The following DACH1 variants were observed in gnomAD, a reference collection of about 807,000 sequenced individuals.
DACH1 encodes the protein dachshund family transcription factor 1.
Under a neutral mutation model 54.2 loss-of-function variants are expected in DACH1, and 12 were observed. The observed-to-expected ratio is 0.22, with a 90% CI of 0.14 to 0.36. The LOEUF is 0.36. DACH1 is among the 10% of genes least tolerant of loss of function. The probability of loss-of-function intolerance (pLI) is 1.00; values close to 1 mark genes in which losing one functional copy is unlikely to be tolerated. For missense variants in DACH1, 805 were observed against 929.8 expected, an observed-to-expected ratio of 0.87 and a Z score of 1.75; for synonymous variants, 386 against 366.2, an observed-to-expected ratio of 1.05 and a Z score of -0.62.
At position 71,754,833 on chromosome 13, in the gene DACH1, T is replaced by TA. The variant is rs1225895765; in HGVS notation, c.849-72924dup. On this transcript the variant is annotated intron_variant, in intron 1 of 10. Coordinates refer to ENST00000613252, the MANE Select transcript of DACH1 (RefSeq NM_080759.6). ...TTCACTGCATTGCAGGAGAGTCTAA[T>TA]AAAAAACAAAGAGGTAGAATAATAA... is the stretch of plus-strand genomic sequence containing the variant. Among the ~76,000 whole-genome samples, 143 of 151,650 alleles carry TA rather than the reference T, an allele frequency of 9.4e-4. 1 individual carries two copies. Among genetic ancestry groups the TA allele is most frequent in the African/African-American group, 3.3e-3 (138 of 41,246 alleles).
rs140149847 is a variant in DACH1 at position 71,736,480 on chromosome 13, A to G, written c.849-54570T>C. On this transcript the variant is annotated intron_variant, in intron 1 of 10. Transcript: ENST00000613252. ...GTAAATATCTTAAAAAGGAATACAG[A>G]TTTTAAAATATATATATAAATATAA... 5.9e-5 allele frequency among the ~76,000 whole-genome samples: 9 copies of G among 152,228 alleles called. No individual in the cohort carries two copies. The East Asian group carries it at 1.7e-3, about 29-fold the overall frequency.
rs556624465 is a variant in DACH1 at position 71,608,661 on chromosome 13, A to C, written c.1126+21895T>G. Reference sequence around the variant, plus strand: ...TGGAATATGGTATATCTGTTCACTTATAATTAATCCTAAAACTAAATTATT... The same window carrying C: ...TGGAATATGGTATATCTGTTCACTTCTAATTAATCCTAAAACTAAATTATT... On this transcript the variant is annotated intron_variant, in intron 3 of 10. Coordinates refer to ENST00000613252, the MANE Select transcript of DACH1 (RefSeq NM_080759.6). 4.2e-3 allele frequency among the ~76,000 whole-genome samples: 637 copies of C among 152,266 alleles called. 4 individuals are homozygous for C. Among genetic ancestry groups the C allele is most frequent in the Non-Finnish European group, 7.1e-3 (485 of 67,974 alleles).
At chr13:71,863,000 C>T (rs1329810588) in intron 1 of DACH1, among the ~76,000 whole-genome samples, 2 of 151,990 alleles carry the variant, frequency 1.3e-5, no homozygotes, top group African/African-American at 2.4e-5. Flanking sequence ...ATAAATTACT[C>T]CCTTAGCCTG....
At chr13:71,544,272 A>G (rs1883324639) in intron 6 of DACH1, among the ~76,000 whole-genome samples, 1 of 152,046 alleles carries the variant, frequency 6.6e-6, no homozygotes, top group African/African-American at 2.4e-5. Flanking sequence ...AAGCCATGAG[A>G]CACATGACTA....
intron 1 of DACH1, among the ~76,000 whole-genome samples, chr13:71,748,886 C>CTTTCT (rs1256452235): frequency 1.5e-4 from 4 of 27,314 alleles, no homozygotes; most frequent in South Asian, 8.4e-4. Context: ...TTCTTTCTTT[C>CTTTCT]TTTCTTTCTT....
intron 3 of DACH1, among the ~76,000 whole-genome samples, chr13:71,584,261 G>A (rs977908885): frequency 6.6e-6 from 1 of 152,172 alleles, no homozygotes; most frequent in East Asian, 1.9e-4. Context: ...AAATACCTAA[G>A]GACTTCCTTT....
chr13:71,629,429 C>T (rs899561428), intron 3 of DACH1, among the ~76,000 whole-genome samples: 1 of 152,110 alleles, frequency 6.6e-6, no homozygotes, highest in Non-Finnish European at 1.5e-5. Flanking sequence ...TGCATTTTTC[C>T]CCTTTTTACA....
At chr13:71,593,380 G>A (rs969555446) in intron 3 of DACH1, among the ~76,000 whole-genome samples, 1 of 151,978 alleles carries the variant, frequency 6.6e-6, no homozygotes, top group Non-Finnish European at 1.5e-5. Context: ...ACAGACAATG[G>A]ATCTAAATTA....
intron 1 of DACH1, among the ~76,000 whole-genome samples, chr13:71,682,362 T>C (rs1468061342): frequency 1.3e-5 from 2 of 152,176 alleles, no homozygotes; most frequent in Non-Finnish European, 2.9e-5. Flanking sequence ...AATGGCTGCC[T>C]AAGGAAATGT....
rs1883949803 is a variant in DACH1 at position 71,552,836 on chromosome 13, TATATATA to T, written c.1570+4181_1570+4187del. Among the ~76,000 whole-genome samples the T allele has an allele frequency of 7.4e-5, 2 of 27,180 alleles. 1 individual carries two copies. 17.8% of individuals were successfully genotyped at this position (27,180 alleles called of 152,430 possible). A position where few individuals can be genotyped will look rare whatever the true frequency, so the allele number is the denominator to read the frequency against. ...ATATATATATATATATATATATATA[TATATATA>T]GAGAGAGAGAGAGAGAGAGAGAGAG... On this transcript the variant is annotated intron_variant, in intron 6 of 10. Transcript: ENST00000613252.
intron 2 of DACH1, among the ~76,000 whole-genome samples, chr13:71,654,456 A>AAAT (rs1466626705): frequency 8.3e-6 from 1 of 120,724 alleles, no homozygotes; most frequent in South Asian, 2.5e-4. Flanking sequence ...AAATAAAATA[A>AAAT]AGTAAAATAA....
chr13:71,813,648 G>A (rs1033672797), intron 1 of DACH1, among the ~76,000 whole-genome samples: 1 of 152,096 alleles, frequency 6.6e-6, no homozygotes, highest in Non-Finnish European at 1.5e-5. Flanking sequence ...CATTTGACTA[G>A]TTCTCATGCA....
At chr13:71,678,562 T>C (rs573758520) in intron 2 of DACH1, among the ~76,000 whole-genome samples, 1 of 152,248 alleles carries the variant, frequency 6.6e-6, no homozygotes, top group South Asian at 2.1e-4. Context: ...TTTGCTGAGG[T>C]CTACAGGGCA....
At chr13:71,598,115 A>T (rs1488026537) in intron 3 of DACH1, among the ~76,000 whole-genome samples, 3 of 152,130 alleles carry the variant, frequency 2.0e-5, no homozygotes, top group Non-Finnish European at 2.9e-5. Context: ...GATAGGAAAA[A>T]AAGAGAAATA....
intron 3 of DACH1, among the ~76,000 whole-genome samples, chr13:71,612,589 G>A (rs1875414666): frequency 6.6e-6 from 1 of 152,106 alleles, no homozygotes; most frequent in Non-Finnish European, 1.5e-5. Context: ...GTCACATAAT[G>A]TCAAGCAAAA....
chr13:71,624,500 C>G (rs1353185500), intron 3 of DACH1, among the ~76,000 whole-genome samples: 1 of 151,822 alleles, frequency 6.6e-6, no homozygotes, highest in Admixed American at 6.6e-5. Context: ...GTATATGCTC[C>G]ACGTTTACAA....
At chr13:71,475,318 C>T in intron 9 of DACH1, 109 bp from the exon 10 acceptor site, 1 of 926,152 alleles carries the variant, frequency 1.1e-6, no homozygotes, top group South Asian at 1.5e-5. Context: ...TTACGTAAAT[C>T]TTTGTCATCT....
At chr13:71,475,576 G>T in intron 9 of DACH1, 130 bp downstream of exon 9, 1 of 1,127,182 alleles carries the variant, frequency 8.9e-7, no homozygotes, top group Non-Finnish European at 1.2e-6. Context: ...TTCCCACCCT[G>T]CTTTCAGCTT....
chr13:71,857,461 C>T (rs1465277107), intron 1 of DACH1, among the ~76,000 whole-genome samples: 11 of 150,960 alleles, frequency 7.3e-5, no homozygotes, highest in Admixed American at 2.6e-4. Flanking sequence ...GTTATGTTTG[C>T]GTGTGTGTGT....
Sources: gnomAD v4.1 joint callset for allele counts (sites outside exome capture counted in the v4.1 genomes callset) on GRCh38, gnomAD v4.1.1 for gene constraint, MANE v1.5 for transcripts, NCBI Gene and HGNC (gene_info 2026-07-23, HGNC 2026-07-21) for gene names.